Variants in NAA35 observed in about 807,000 individuals in gnomAD.
NAA35 encodes the protein N-alpha-acetyltransferase 35, NatC auxiliary subunit, also known as MAK10 homolog, amino-acid N-acetyltransferase subunit.
In NAA35, 18 loss-of-function variants were observed where a neutral mutation model predicts 101.7. That is an observed-to-expected ratio of 0.18 (90% CI 0.12 to 0.26). NAA35 has a LOEUF of 0.26. Ranked by LOEUF, NAA35 falls within the 10% of genes least tolerant of loss-of-function variation. NAA35 has a pLI of 1.00. For synonymous variants in NAA35, 267 were observed against 273.1 expected, an observed-to-expected ratio of 0.98 and a Z score of 0.22; for missense variants, 601 against 886.8, an observed-to-expected ratio of 0.68 and a Z score of 4.09.
At chr9:86,007,963 T>TA (rs1831722841) in intron 14 of NAA35, among the ~76,000 whole-genome samples, 1 of 152,338 alleles carries the variant, frequency 6.6e-6, no homozygotes, top group Non-Finnish European at 1.5e-5. Flanking sequence ...TCATGGTAGA[T>TA]CTAATTAATT....
rs557900568 is a variant in NAA35, at chr9:85,962,926, G to A, written c.516+746G>A. On this transcript the variant is annotated intron_variant, in intron 6 of 22. Transcript: ENST00000361671. ...AGTACCTCACCTGAGGAAGTATTGT[G>A]AGTTTTAGAGATAGAAAGATTTTTT... Among the ~76,000 whole-genome samples, 14 of 152,244 alleles carry A rather than the reference G, an allele frequency of 9.2e-5. No homozygotes were observed. In the Middle Eastern group the frequency reaches 0.017, roughly 185 times the overall value.
At chr9:85,946,608 C>T (rs1315090457) in intron 2 of NAA35, among the ~76,000 whole-genome samples, 2 of 151,988 alleles carry the variant, frequency 1.3e-5, no homozygotes, top group African/African-American at 2.4e-5. Context: ...CTGCATGTGG[C>T]CCAGGATGGC....
chr9:85,978,207 T>A, intron 10 of NAA35, 60 bp from the exon 11 acceptor site: 1 of 1,005,562 alleles, frequency 9.9e-7, no homozygotes, highest in Non-Finnish European at 1.6e-6. Flanking sequence ...ATTTTCCTAT[T>A]TAATGTATAT....
intron 11 of NAA35, among the ~76,000 whole-genome samples, chr9:85,985,266 T>C (rs929503934): frequency 3.3e-5 from 5 of 152,112 alleles, no homozygotes; most frequent in African/African-American, 1.2e-4. Context: ...CATAGAATTA[T>C]CCAAGGGAAA....
intron 2 of NAA35, among the ~76,000 whole-genome samples, chr9:85,955,345 TATATATATATA>T (rs1186295972): frequency 2.3e-4 from 17 of 72,978 alleles, no homozygotes; most frequent in African/African-American, 1.0e-3. Flanking sequence ...TATATATATA[TATATATATATA>T]TATATTTTTT....
In NAA35 at chr9:85,996,539, T is replaced by C. The variant is rs1409944750; in HGVS notation, c.1018T>C (p.Cys340Arg). 1.3e-6 allele frequency: 2 copies of C among 1,590,930 alleles called. No homozygotes were observed. Among genetic ancestry groups the C allele is most frequent in the Non-Finnish European group, 1.7e-6 (2 of 1,173,650 alleles). Residue 340 changes from cysteine (C) to arginine (R), a missense_variant, in exon 12 of 23, where the codon TGT becomes CGT. Coordinates refer to ENST00000361671, the MANE Select transcript of NAA35 (RefSeq NM_024635.4). The part of the protein sequence containing the change: ...ARLIDRIKTV[C>R]EVVNLTNLHC... ...ATTAATAGATAGAATAAAAACTGTC[T>C]GTGAGGTTGTGAATTTAACAAATTT...
chr9:85,949,356 G>T (rs1256285539), intron 2 of NAA35, among the ~76,000 whole-genome samples: 1 of 149,066 alleles, frequency 6.7e-6, no homozygotes. Context: ...GTGTAATGGC[G>T]CAATCTCGGC....
chr9:85,983,554 A>G (rs187137011), intron 11 of NAA35, among the ~76,000 whole-genome samples: 2 of 152,288 alleles, frequency 1.3e-5, no homozygotes, highest in African/African-American at 4.8e-5. Context: ...AGGCAAACAA[A>G]GTACCTTAAG....
At position 86,017,513 on chromosome 9, in the gene NAA35, G is replaced by T; in HGVS notation, c.1721G>T (p.Arg574Leu). ...CTAATTACAGTTCGCCCATTGAGCCGAGAGATCACAATGAGCCAAGCATAT... is the reference window on the plus strand; with the variant it reads ...CTAATTACAGTTCGCCCATTGAGCCTAGAGATCACAATGAGCCAAGCATAT... ...KKKKKVRPLS[R>L]EITMSQAYQN... The change falls in exon 19 of 23, where the codon CGA (arginine) becomes CTA (leucine). Residue 574 changes from arginine to leucine, a missense_variant. Physicochemically the swap from Arg to Leu is moderately radical, Grantham distance 102. This residue lies in a region of NAA35 where 99 missense variants were observed against 206.7 expected (regional missense o/e 0.48). Coordinates refer to ENST00000361671, the MANE Select transcript of NAA35 (RefSeq NM_024635.4). 6.2e-7 allele frequency: 1 copy of T among 1,613,724 alleles called. No individual in the cohort carries two copies. The highest frequency in any genetic ancestry group is 8.5e-7 in the Non-Finnish European group (1 of 1,179,782).
chr9:85,959,901 A>G (rs749350129), intron 5 of NAA35, 34 bp downstream of exon 5: 9 of 1,487,018 alleles, frequency 6.1e-6, no homozygotes, highest in East Asian at 2.3e-5. Flanking sequence ...GGTTAATTTT[A>G]AAACTGTGAC....
chr9:85,965,563 A>G (rs1829707805), intron 6 of NAA35, among the ~76,000 whole-genome samples: 1 of 152,114 alleles, frequency 6.6e-6, no homozygotes, highest in South Asian at 2.1e-4. Context: ...GGGGAGGTCA[A>G]GGCTGCAGTG....
At chr9:85,961,960 C>T in intron 5 of NAA35, 53 bp from the exon 6 acceptor site, 1 of 1,442,618 alleles carries the variant, frequency 6.9e-7, no homozygotes, top group South Asian at 1.4e-5. Flanking sequence ...TCAATTTAGA[C>T]TTTGCAGACT....
intron 3 of NAA35, among the ~76,000 whole-genome samples, chr9:85,956,642 A>G (rs1242427867): frequency 1.3e-5 from 2 of 152,172 alleles, no homozygotes; most frequent in East Asian, 3.9e-4. Context: ...GATGTAATGA[A>G]TGTGGAATTT....
In NAA35 at chr9:85,941,155, C is replaced by G; in HGVS notation, c.-124C>G. The stretch of plus-strand genomic sequence containing the variant: ...GTCGCGCGTCCCGGGCATACGCATG[C>G]GTGCACGCTGCCGGTCGGGCTGGGC... On this transcript the variant is annotated 5_prime_UTR_variant, in exon 1 of 23. Transcript: ENST00000361671. 1 of 985,890 alleles carries G rather than the reference C, an allele frequency of 1.0e-6. No homozygotes were observed. Among genetic ancestry groups the G allele is most frequent in the Non-Finnish European group, 1.2e-6 (1 of 830,240 alleles). 61.1% of individuals were successfully genotyped at this position (985,890 alleles called of 1,614,324 possible).
chr9:86,013,238 A>G (rs1367669776), intron 16 of NAA35, 94 bp downstream of exon 16: 6 of 712,910 alleles, frequency 8.4e-6, no homozygotes, highest in Non-Finnish European at 1.3e-5. Flanking sequence ...TATTTTGACT[A>G]ATTTTTCAAC....
At chr9:85,948,081 G>T (rs1401581140) in intron 2 of NAA35, among the ~76,000 whole-genome samples, 2 of 152,078 alleles carry the variant, frequency 1.3e-5, no homozygotes, top group East Asian at 3.9e-4. Context: ...TATTTATTTT[G>T]CTGGTTTTGG....
At position 86,013,826 on chromosome 9, in the gene NAA35, T is replaced by C. The variant is rs373767837; in HGVS notation, c.1497T>C (p.Ile499=). Residue 499 remains isoleucine, a synonymous_variant, in exon 17 of 23, where the codon ATT becomes ATC. Coordinates refer to ENST00000361671, the MANE Select transcript of NAA35 (RefSeq NM_024635.4). ...GTWVLYHNLR[I]MIQYLLSGFE... is the part of the protein sequence containing the mutation. ...GGGTCCTTTACCATAACCTTCGCAT[T>C]ATGATACAGTACCTTCTAAGTGGCT... 1.6e-5 allele frequency: 26 copies of C among 1,614,034 alleles called. No homozygotes were observed. The highest frequency in any genetic ancestry group is 1.9e-5 in the Non-Finnish European group (23 of 1,179,996).
chr9:85,944,679 T>C (rs1587545966), intron 2 of NAA35, among the ~76,000 whole-genome samples: 1 of 152,224 alleles, frequency 6.6e-6, no homozygotes, highest in South Asian at 2.1e-4. Flanking sequence ...GTACAAGATA[T>C]CTTGATAATT....
At chr9:85,974,150 G>T (rs1159454202) in intron 6 of NAA35, among the ~76,000 whole-genome samples, 1 of 151,826 alleles carries the variant, frequency 6.6e-6, no homozygotes, top group Non-Finnish European at 1.5e-5. Flanking sequence ...GTATAGACGG[G>T]GTTTCACTAT....
Sources: gnomAD v4.1 joint callset for allele counts (sites outside exome capture counted in the v4.1 genomes callset) on GRCh38, gnomAD v4.1.1 for gene constraint, gnomAD v4.1.1 regional missense constraint, MANE v1.5 for transcripts, NCBI Gene and HGNC (gene_info 2026-07-23, HGNC 2026-07-21) for gene names.